Variants in MLLT3 observed in about 807,000 individuals in gnomAD.
MLLT3 encodes protein AF-9.
MLLT3 carries 4 observed loss-of-function variants against 53.2 expected under a neutral mutation model. The ratio of observed to expected loss-of-function variants is 0.08; its 90% CI spans 0.04 to 0.17. The LOEUF is 0.17. Among genes scored for constraint, MLLT3 ranks in the 10% least tolerant of loss-of-function variants. MLLT3 has a pLI of 1.00. For missense variants in MLLT3, 569 were observed against 684.0 expected (o/e 0.83, Z 1.87); for synonymous variants, 283 against 230.6 (o/e 1.23, Z -2.06).
chr9:20,343,214 A>AAAAAAAAAAAAAAAAAAAAAAAT lies in MLLT3; in HGVS notation c.*3228_*3229insATTTTTTTTTTTTTTTTTTTTTT, dbSNP rs56934102. On this transcript the variant is annotated 3_prime_UTR_variant, in exon 11 of 11. Coordinates refer to ENST00000380338, the MANE Select transcript of MLLT3 (RefSeq NM_004529.4). The stretch of plus-strand genomic sequence containing the variant: ...AAAAAAAAAAAAAAAAAAAAAAAAA[A>AAAAAAAAAAAAAAAAAAAAAAAT]TTTTGAAGAAACTTTTTAGTGGAAG... 1 of 115,072 alleles carries AAAAAAAAAAAAAAAAAAAAAAAT rather than the reference A, an allele frequency of 8.7e-6. No homozygotes were observed. Among genetic ancestry groups the AAAAAAAAAAAAAAAAAAAAAAAT allele is most frequent in the African/African-American group, 6.7e-5 (1 of 14,954 alleles). 7.1% of individuals were successfully genotyped at this position (115,072 alleles called of 1,614,324 possible). A position where few individuals can be genotyped will look rare whatever the true frequency, so the allele number is the denominator to read the frequency against.
chr9:20,366,575 G>A (rs1821458146), intron 5 of MLLT3, among the ~76,000 whole-genome samples: 1 of 152,156 alleles, frequency 6.6e-6, no homozygotes, highest in African/African-American at 2.4e-5. Flanking sequence ...TGTGATTGCT[G>A]GGTCAAATGG....
Position 20,448,342 on chromosome 9 carries a change from C to G in MLLT3, c.277-76G>C. On this transcript the variant is annotated intron_variant, in intron 3 of 10. Transcript: ENST00000380338. This position sits in a 1 kb window ranked among gnomAD's most constrained non-coding sequence, Gnocchi z 4.0. ...AAATTTTAAAAGCAAAAATTTACTC[C>G]TCATAAGAAATAGAAAAGAACTAAG... 7.1e-7 allele frequency: 1 copy of G among 1,399,856 alleles called. No homozygotes were observed. The highest frequency in any genetic ancestry group is 1.3e-5 in the South Asian group (1 of 78,030). The allele number at this position is 1,399,856 out of a possible 1,614,324, so 86.7% of individuals were successfully genotyped here. A position where few individuals can be genotyped will look rare whatever the true frequency, so the allele number is the denominator to read the frequency against.
chr9:20,476,597 T>C (rs920455117), intron 2 of MLLT3, among the ~76,000 whole-genome samples: 1 of 152,054 alleles, frequency 6.6e-6, no homozygotes, highest in Non-Finnish European at 1.5e-5. Context: ...AAACAAAAGC[T>C]TATAAAATTA....
intron 2 of MLLT3, among the ~76,000 whole-genome samples, chr9:20,474,091 C>G (rs140031581): frequency 6.6e-6 from 1 of 152,150 alleles, no homozygotes; most frequent in East Asian, 1.9e-4. Flanking sequence ...TTCCAAGTGT[C>G]GGCTGGGAGT....
chr9:20,437,429 G>GA (rs1461808792), intron 4 of MLLT3, among the ~76,000 whole-genome samples: 2 of 151,896 alleles, frequency 1.3e-5, no homozygotes, highest in Admixed American at 6.6e-5. Context: ...ATATCTTCCA[G>GA]AAAAAAATAA....
Position 20,398,850 on chromosome 9 carries a change from C to T in MLLT3, c.1125+14871G>A, listed in dbSNP as rs559338920. Among the ~76,000 whole-genome samples, 22 of 152,056 alleles carry T rather than the reference C, an allele frequency of 1.4e-4. No individual in the cohort carries two copies. In the South Asian group the frequency reaches 1.7e-3, roughly 12 times the overall value. On this transcript the variant is annotated intron_variant, in intron 5 of 10. Transcript: ENST00000380338. Reference sequence around the variant, plus strand: ...AAGATTAGTTTGTGGTCCTTGCTGCCCCTGTGTTATTTTTGTGGTTTAATA... The same window carrying T: ...AAGATTAGTTTGTGGTCCTTGCTGCTCCTGTGTTATTTTTGTGGTTTAATA...
At chr9:20,580,854 G>A (rs540551282) in intron 2 of MLLT3, among the ~76,000 whole-genome samples, 2 of 152,188 alleles carry the variant, frequency 1.3e-5, no homozygotes, top group South Asian at 4.1e-4. Flanking sequence ...CAGAGGAACT[G>A]AACCAGAACT....
At chr9:20,416,300 CTG>C (rs1822869985) in intron 4 of MLLT3, among the ~76,000 whole-genome samples, 1 of 151,846 alleles carries the variant, frequency 6.6e-6, no homozygotes, top group Non-Finnish European at 1.5e-5. Context: ...TCAAGTATCA[CTG>C]TTTAATATTC....
At chr9:20,571,372 T>G (rs1819528457) in intron 2 of MLLT3, among the ~76,000 whole-genome samples, 1 of 152,170 alleles carries the variant, frequency 6.6e-6, no homozygotes, top group Non-Finnish European at 1.5e-5. Context: ...AAAACCTACA[T>G]GTAATAAGAG....
chr9:20,621,351 T>G lies in MLLT3; in HGVS notation c.13-517A>C, dbSNP rs543379774. ...GTGTGGAGCGCTGTGCCAGGCGAAA[T>G]GGAAACTACAGGCAGCCTCTGCTGA... On this transcript the variant is annotated intron_variant, in intron 1 of 10. Transcript: ENST00000380338. The surrounding 1 kb of genome is among the most constrained non-coding windows in gnomAD (Gnocchi z 7.0). Among the ~76,000 whole-genome samples, 1 of 151,752 alleles carries G rather than the reference T, an allele frequency of 6.6e-6. No individual in the cohort carries two copies. Among genetic ancestry groups the G allele is most frequent in the East Asian group, 2.0e-4 (1 of 5,090 alleles).
chr9:20,617,865 T>C (rs899109373), intron 2 of MLLT3, among the ~76,000 whole-genome samples: 9 of 152,354 alleles, frequency 5.9e-5, no homozygotes, highest in African/African-American at 1.9e-4. Context: ...TGAAATGGTA[T>C]ACATAATTCT....
At chr9:20,601,248 G>A (rs1181356976) in intron 2 of MLLT3, among the ~76,000 whole-genome samples, 1 of 152,148 alleles carries the variant, frequency 6.6e-6, no homozygotes, top group Non-Finnish European at 1.5e-5. Context: ...AAATAATTAA[G>A]GCGTTTTGTA....
chr9:20,486,555 A>C (rs1824819523), intron 2 of MLLT3, among the ~76,000 whole-genome samples: 1 of 152,192 alleles, frequency 6.6e-6, no homozygotes, highest in South Asian at 2.1e-4. Flanking sequence ...AAAAGCAGCT[A>C]GTAATACATG....
At chr9:20,607,703 T>TTG (rs1394064981) in intron 2 of MLLT3, among the ~76,000 whole-genome samples, 3 of 152,080 alleles carry the variant, frequency 2.0e-5, no homozygotes, top group Non-Finnish European at 4.4e-5. Context: ...ACATATAGCT[T>TTG]TGCTATGCAT....
chr9:20,561,956 G>T (rs1421316990), intron 2 of MLLT3, among the ~76,000 whole-genome samples: 3 of 151,904 alleles, frequency 2.0e-5, no homozygotes, highest in Non-Finnish European at 4.4e-5. Flanking sequence ...GGGGTGGGGG[G>T]GCAGAGATTA....
chr9:20,578,550 A>G (rs1819712457), intron 2 of MLLT3, among the ~76,000 whole-genome samples: 1 of 152,134 alleles, frequency 6.6e-6, no homozygotes, highest in African/African-American at 2.4e-5. Context: ...GATGGGAAAC[A>G]TATCAAATAA....
chr9:20,615,047 G>A (rs1040449077), intron 2 of MLLT3, among the ~76,000 whole-genome samples: 1 of 152,124 alleles, frequency 6.6e-6, no homozygotes, highest in Admixed American at 6.5e-5. Context: ...ATGCATCACA[G>A]AATGGACAGT....
chr9:20,435,808 T>C (rs1286524520), intron 4 of MLLT3, among the ~76,000 whole-genome samples: 1 of 152,198 alleles, frequency 6.6e-6, no homozygotes, highest in Non-Finnish European at 1.5e-5. Context: ...CCAGAAGTCT[T>C]CCAGGACTTG....
intron 10 of MLLT3, among the ~76,000 whole-genome samples, chr9:20,349,068 A>G (rs1038694839): frequency 1.3e-5 from 2 of 152,222 alleles, no homozygotes; most frequent in Non-Finnish European, 2.9e-5. Context: ...GGAGGCAAAT[A>G]ACAAGCTGAC....
Sources: allele counts gnomAD v4.1 joint callset (sites outside exome capture counted in the v4.1 genomes callset), GRCh38; gene constraint gnomAD v4.1.1; non-coding constraint Gnocchi (gnomAD v3.1); transcripts MANE v1.5; gene names NCBI Gene and HGNC (gene_info 2026-07-23, HGNC 2026-07-21).